The following CDK6 variants were observed in gnomAD, a reference collection of about 807,000 sequenced individuals.
CDK6 encodes the protein cyclin dependent kinase 6, also known as cyclin-dependent kinase 6.
A neutral mutation model predicts 37.1 loss-of-function variants in CDK6; 6 were observed. The ratio of observed to expected loss-of-function variants is 0.16; its 90% CI spans 0.09 to 0.32. The LOEUF (loss-of-function observed/expected upper bound fraction) is 0.32, where lower values mean the gene tolerates loss of function less well. Ranked by LOEUF, CDK6 falls within the 10% of genes least tolerant of loss-of-function variation. The pLI, the probability that CDK6 is intolerant of heterozygous loss-of-function variation, is 1.00. For synonymous variants in CDK6, 160 were observed against 161.3 expected (o/e 0.99, Z 0.06); for missense variants, 224 against 418.9 (o/e 0.53, Z 4.06).
chr7:92,674,761 T>C (rs1797166979), intron 4 of CDK6, among the ~76,000 whole-genome samples: 1 of 152,180 alleles, frequency 6.6e-6, no homozygotes. Flanking sequence ...CAAAATAAAG[T>C]CTAGCAACAT....
chr7:92,708,373 G>A (rs1464306225), intron 4 of CDK6, among the ~76,000 whole-genome samples: 5 of 152,214 alleles, frequency 3.3e-5, no homozygotes, highest in Non-Finnish European at 4.4e-5. Flanking sequence ...TGTGACGCCC[G>A]TTTCTTCCCT....
intron 5 of CDK6, among the ~76,000 whole-genome samples, chr7:92,646,116 A>T (rs1413017697): frequency 2.0e-5 from 3 of 152,222 alleles, no homozygotes; most frequent in African/African-American, 7.2e-5. Flanking sequence ...TTCAAAATCC[A>T]GCTCAGGACT....
intron 5 of CDK6, among the ~76,000 whole-genome samples, chr7:92,639,529 T>C (rs750394506): frequency 1.1e-4 from 16 of 152,250 alleles, no homozygotes; most frequent in East Asian, 5.8e-4. Context: ...CACTGGAAAA[T>C]TGGAGTCAGT....
chr7:92,751,170 C>T (rs1309319596), intron 3 of CDK6, among the ~76,000 whole-genome samples: 1 of 152,086 alleles, frequency 6.6e-6, no homozygotes, highest in African/African-American at 2.4e-5. Context: ...GCTAAAATTC[C>T]ATTTCTAGTG....
chr7:92,706,521 C>G (rs1416650045), intron 4 of CDK6, among the ~76,000 whole-genome samples: 16 of 152,188 alleles, frequency 1.1e-4, no homozygotes, highest in Admixed American at 9.8e-4. Context: ...AAATGTCCTT[C>G]GTGAAAAACA....
intron 2 of CDK6, among the ~76,000 whole-genome samples, chr7:92,808,547 A>T (rs1199146609): frequency 6.6e-6 from 1 of 152,110 alleles, no homozygotes; most frequent in Non-Finnish European, 1.5e-5. Context: ...CCTAGTAAAA[A>T]CTGTGTTTGT....
At chr7:92,747,658 C>T (rs1424927079) in intron 3 of CDK6, among the ~76,000 whole-genome samples, 2 of 152,200 alleles carry the variant, frequency 1.3e-5, no homozygotes, top group Admixed American at 1.3e-4. Flanking sequence ...GAAGCCAGTC[C>T]TTATTTTTCC....
At position 92,606,223 on chromosome 7, in the gene CDK6, A is replaced by G. The variant is rs540539602; in HGVS notation, c.*8917T>C. ...TAGTTTTTCTCTTGGTACCACAGCC[A>G]AAACTGAATGCTCTGTACAATGACT... On this transcript the variant is annotated 3_prime_UTR_variant, in exon 8 of 8. Coordinates refer to ENST00000424848, the MANE Select transcript of CDK6 (RefSeq NM_001145306.2). 7.2e-4 allele frequency: 169 copies of G among 233,524 alleles called. No individual in the cohort carries two copies. The highest frequency in any genetic ancestry group is 3.4e-3 in the African/African-American group (155 of 45,468). 14.5% of individuals were successfully genotyped at this position (233,524 alleles called of 1,614,324 possible).
chr7:92,714,761 T>C (rs1004725311), intron 4 of CDK6, among the ~76,000 whole-genome samples: 7 of 152,226 alleles, frequency 4.6e-5, no homozygotes, highest in Non-Finnish European at 5.9e-5. Context: ...TAGTAGCTTT[T>C]AAATGCTTTA....
intron 3 of CDK6, among the ~76,000 whole-genome samples, chr7:92,757,765 C>A (rs189902255): frequency 1.3e-3 from 192 of 152,304 alleles, no homozygotes; most frequent in African/African-American, 4.5e-3. Flanking sequence ...AATTTACACT[C>A]CCACCAACAG....
rs868835340 is a variant in CDK6 at position 92,835,886 on chromosome 7, G to A, written c.-368+592C>T. Among the ~76,000 whole-genome samples, 5 of 152,202 alleles carry A rather than the reference G, an allele frequency of 3.3e-5. No individual in the cohort carries two copies. Among genetic ancestry groups the A allele is most frequent in the Non-Finnish European group, 7.3e-5 (5 of 68,038 alleles). ...AACTACAGCAAACGTGCGTCTTCGCGGGGCTCCAAGCCTGGGCACTGGCCG... is the reference window on the plus strand; with the variant it reads ...AACTACAGCAAACGTGCGTCTTCGCAGGGCTCCAAGCCTGGGCACTGGCCG... On this transcript the variant is annotated intron_variant, in intron 1 of 7. Transcript: ENST00000424848. The surrounding 1 kb of genome is among the most constrained non-coding windows in gnomAD (Gnocchi z 4.2).
intron 2 of CDK6, among the ~76,000 whole-genome samples, chr7:92,778,924 C>CATATATATATATATATATATAT (rs145888983): frequency 3.7e-5 from 4 of 109,040 alleles, no homozygotes; most frequent in African/African-American, 1.4e-4. Context: ...TATAGTTTAT[C>CATATATATATATATATATATAT]ATATATATAT....
intron 5 of CDK6, among the ~76,000 whole-genome samples, chr7:92,642,723 G>C (rs1272498480): frequency 6.6e-6 from 1 of 151,968 alleles, no homozygotes; most frequent in African/African-American, 2.4e-5. Context: ...TTTTACAATT[G>C]AGGAAACTGA....
rs111573489 is a variant in CDK6 at position 92,713,763 on chromosome 7, T to C, written c.537+11863A>G. Among the ~76,000 whole-genome samples, 1,013 of 151,558 alleles carry C rather than the reference T, an allele frequency of 6.7e-3. 17 individuals carry two copies. The highest frequency in any genetic ancestry group is 0.023 in the African/African-American group (969 of 41,272). Reference sequence around the variant, plus strand: ...TGACTAGTCATGCATTTGTGTAAAATGCAGTAACTTTGGTTTTCCAGAATA... The same window carrying C: ...TGACTAGTCATGCATTTGTGTAAAACGCAGTAACTTTGGTTTTCCAGAATA... On this transcript the variant is annotated intron_variant, in intron 4 of 7. Coordinates refer to ENST00000424848, the MANE Select transcript of CDK6 (RefSeq NM_001145306.2).
intron 4 of CDK6, among the ~76,000 whole-genome samples, chr7:92,672,244 T>C (rs111419447): frequency 0.017 from 645 of 38,950 alleles, 2 homozygotes; most frequent in Middle Eastern, 0.045. Flanking sequence ...CACACACACA[T>C]ATATGAAGAT....
chr7:92,679,811 C>A (rs1797291227), intron 4 of CDK6, among the ~76,000 whole-genome samples: 1 of 150,880 alleles, frequency 6.6e-6, no homozygotes, highest in African/African-American at 2.4e-5. Context: ...ACCTCGGTCT[C>A]CCGGGTTCAA....
intron 2 of CDK6, among the ~76,000 whole-genome samples, chr7:92,778,738 C>T (rs1409195173): frequency 6.6e-6 from 1 of 151,818 alleles, no homozygotes. Flanking sequence ...TGGCATGTCC[C>T]TAAAGTCAAA....
At chr7:92,820,485 T>C (rs1042857585) in intron 2 of CDK6, among the ~76,000 whole-genome samples, 1 of 152,074 alleles carries the variant, frequency 6.6e-6, no homozygotes, top group South Asian at 2.1e-4. Context: ...AAATAAACAA[T>C]TTTAGCAAAG....
chr7:92,662,260 C>T (rs1324636605), intron 5 of CDK6, among the ~76,000 whole-genome samples: 1 of 152,118 alleles, frequency 6.6e-6, no homozygotes, highest in East Asian at 1.9e-4. Flanking sequence ...AAGGAACTCA[C>T]TTCGAGGGCT....
Sources: allele counts gnomAD v4.1 joint callset (sites outside exome capture counted in the v4.1 genomes callset), GRCh38; gene constraint gnomAD v4.1.1; non-coding constraint Gnocchi (gnomAD v3.1); transcripts MANE v1.5; gene names NCBI Gene and HGNC (gene_info 2026-07-23, HGNC 2026-07-21).